The following CAB39L variants were observed in gnomAD, a reference collection of about 807,000 sequenced individuals.
The protein encoded by CAB39L is calcium binding protein 39 like.
CAB39L carries 23 observed loss-of-function variants against 39.1 expected under a neutral mutation model. That is an observed-to-expected ratio of 0.59 (90% confidence interval 0.42 to 0.83). The LOEUF is 0.83. Ranked by LOEUF, CAB39L falls within the 40% of genes least tolerant of loss-of-function variation. The pLI is 0.00. For missense variants in CAB39L, 366 were observed against 391.9 expected (o/e 0.93, Z 0.56); for synonymous variants, 126 against 137.2 (o/e 0.92, Z 0.57).
In CAB39L at chr13:49,344,997, T is replaced by G. The variant is rs142168367; in HGVS notation, c.565-759A>C. The stretch of plus-strand genomic sequence containing the variant: ...AACTTGCAGAAAACTGAACAAAGCA[T>G]GAAGAAACATTTGACTGTCTTCAAC... On this transcript the variant is annotated intron_variant, in intron 7 of 10. Coordinates refer to ENST00000409308, the MANE Select transcript of CAB39L (RefSeq NM_001079670.3). 1.2e-3 allele frequency among the ~76,000 whole-genome samples: 185 copies of G among 152,322 alleles called. 1 individual carries two copies. The highest frequency in any genetic ancestry group is 8.3e-3 in the East Asian group (43 of 5,188).
At chr13:49,402,510 C>G (rs1956796133) in intron 3 of CAB39L, among the ~76,000 whole-genome samples, 1 of 152,128 alleles carries the variant, frequency 6.6e-6, no homozygotes, top group South Asian at 2.1e-4. Flanking sequence ...CACTATGTCC[C>G]CAGTCAAAAG....
rs116451974 is a variant in CAB39L at position 49,386,868 on chromosome 13, G to T, written c.-31-3927C>A. On this transcript the variant is annotated intron_variant, in intron 3 of 10. Transcript: ENST00000409308. Reference sequence around the variant, plus strand: ...AGACTAAACACCTCCCCCACTCCAAGACTAAACACCTCCTCCATCACCTGG... The same window carrying T: ...AGACTAAACACCTCCCCCACTCCAATACTAAACACCTCCTCCATCACCTGG... 3.4e-3 allele frequency among the ~76,000 whole-genome samples: 511 copies of T among 151,164 alleles called. 5 individuals carry two copies. Among genetic ancestry groups the T allele is most frequent in the African/African-American group, 0.012 (480 of 41,206 alleles).
intron 3 of CAB39L, among the ~76,000 whole-genome samples, chr13:49,409,306 C>T (rs1956942558): frequency 6.6e-6 from 1 of 151,948 alleles, no homozygotes; most frequent in South Asian, 2.1e-4. Context: ...CTTAGTAGTA[C>T]CTGACACAAC....
chr13:49,430,914 A>G (rs28692644), intron 3 of CAB39L, among the ~76,000 whole-genome samples: 13,943 of 152,318 alleles, frequency 0.092, 858 homozygotes, highest in South Asian at 0.27. Flanking sequence ...TAATCCAAAT[A>G]GAAACTCAAT....
chr13:49,349,740 G>T (rs916872234), intron 7 of CAB39L, among the ~76,000 whole-genome samples: 1 of 151,850 alleles, frequency 6.6e-6, no homozygotes, highest in Admixed American at 6.6e-5. Context: ...TGTCAAATAG[G>T]CTTTTGTTTC....
At chr13:49,413,729 T>A (rs1203252419) in intron 3 of CAB39L, 1 of 152,190 alleles carries the variant, frequency 6.6e-6, no homozygotes, top group Non-Finnish European at 1.5e-5. Flanking sequence ...CTCACCCTTT[T>A]AACTGGCTTC....
chr13:49,424,297 C>T (rs1405945468), intron 3 of CAB39L, among the ~76,000 whole-genome samples: 1 of 152,206 alleles, frequency 6.6e-6, no homozygotes, highest in Non-Finnish European at 1.5e-5. Context: ...TGCGCTTCTG[C>T]GATCTTCCTC....
At chr13:49,346,336 A>C (rs569717736) in intron 7 of CAB39L, among the ~76,000 whole-genome samples, 231 of 146,286 alleles carry the variant, frequency 1.6e-3, no homozygotes, top group Middle Eastern at 7.1e-3. Context: ...AACTGAGTGA[A>C]AAAAAAAAAA....
At chr13:49,391,335 A>G (rs2138621630) in intron 3 of CAB39L, among the ~76,000 whole-genome samples, 1 of 152,334 alleles carries the variant, frequency 6.6e-6, no homozygotes, top group East Asian at 1.9e-4. Context: ...AGAAAGGAAG[A>G]TGGAGGAGAA....
At chr13:49,339,230 A>G (rs564802743) in intron 9 of CAB39L, among the ~76,000 whole-genome samples, 1 of 149,770 alleles carries the variant, frequency 6.7e-6, no homozygotes, top group East Asian at 2.0e-4. Context: ...TCCCAGGTTC[A>G]AGCGATTCTC....
At chr13:49,337,426 C>T (rs538301512) in intron 9 of CAB39L, among the ~76,000 whole-genome samples, 71 of 152,160 alleles carry the variant, frequency 4.7e-4, no homozygotes, top group Admixed American at 2.2e-3. Context: ...CTCCAGCCCA[C>T]ATCTCCCTCC....
At chr13:49,321,598 C>T (rs1459929397) in intron 10 of CAB39L, among the ~76,000 whole-genome samples, 2 of 152,186 alleles carry the variant, frequency 1.3e-5, no homozygotes, top group Non-Finnish European at 2.9e-5. Flanking sequence ...GACTACACGA[C>T]AGTATGGCTG....
chr13:49,375,246 G>A (rs1956023606), intron 5 of CAB39L, among the ~76,000 whole-genome samples: 1 of 151,992 alleles, frequency 6.6e-6, no homozygotes, highest in South Asian at 2.1e-4. Flanking sequence ...TTATAGATGA[G>A]AAAACTTAAG....
intron 3 of CAB39L, among the ~76,000 whole-genome samples, chr13:49,409,690 T>C (rs1425292643): frequency 6.6e-6 from 1 of 152,028 alleles, no homozygotes; most frequent in African/African-American, 2.4e-5. Context: ...TTCAATTTTC[T>C]CAGAAAAGCA....
chr13:49,382,722 C>T (rs1212931901), intron 4 of CAB39L, 78 bp downstream of exon 4: 3 of 874,476 alleles, frequency 3.4e-6, no homozygotes, highest in Non-Finnish European at 5.7e-6. Flanking sequence ...ATTTTGAATT[C>T]TTCATTAAGC....
chr13:49,339,124 T>C (rs1430288651), intron 9 of CAB39L, among the ~76,000 whole-genome samples: 2 of 141,724 alleles, frequency 1.4e-5, no homozygotes, highest in East Asian at 3.9e-4. Context: ...ATTTTACATG[T>C]CTTTTTTTTT....
chr13:49,317,341 G>A (rs1954187073), intron 10 of CAB39L, among the ~76,000 whole-genome samples: 1 of 146,394 alleles, frequency 6.8e-6, no homozygotes, highest in Non-Finnish European at 1.5e-5. Flanking sequence ...ACCAGCCTGG[G>A]GAACATGGCG....
intron 1 of CAB39L, among the ~76,000 whole-genome samples, chr13:49,436,162 C>T (rs1236916169): frequency 6.6e-6 from 1 of 152,094 alleles, no homozygotes; most frequent in African/African-American, 2.4e-5. Flanking sequence ...TGTTGCTAAC[C>T]TCTCCTTTCT....
intron 3 of CAB39L, among the ~76,000 whole-genome samples, chr13:49,419,784 TC>T (rs1316455354): frequency 6.6e-6 from 1 of 152,096 alleles, no homozygotes; most frequent in African/African-American, 2.4e-5. Flanking sequence ...TTTATGACCT[TC>T]CCCTCCCCAC....
Sources: gnomAD v4.1 joint callset for allele counts (sites outside exome capture counted in the v4.1 genomes callset) on GRCh38, gnomAD v4.1.1 for gene constraint, MANE v1.5 for transcripts, NCBI Gene and HGNC (gene_info 2026-07-23, HGNC 2026-07-21) for gene names.